Variants in TSPAN33 observed in about 807,000 individuals in gnomAD.
The protein encoded by TSPAN33 is tetraspanin 33.
Under a neutral mutation model 34.8 loss-of-function variants are expected in TSPAN33, and 27 were observed. That is an observed-to-expected ratio of 0.78 (90% CI 0.57 to 1.07). The LOEUF (loss-of-function observed/expected upper bound fraction) is 1.07. TSPAN33 is among the 50% of genes least tolerant of loss of function. TSPAN33 has a pLI of 0.00. For missense variants in TSPAN33, 272 were observed against 324.9 expected (o/e 0.84, Z 1.25); for synonymous variants, 119 against 124.2 (o/e 0.96, Z 0.28).
rs1407896495 is a variant in TSPAN33 at position 129,167,843 on chromosome 7, A to G, written c.821A>G (p.Asn274Ser). The change falls in exon 8 of 8, where the codon AAC becomes AGC. Residue 274 changes from asparagine to serine, a missense_variant. By Grantham distance (46) the Asn-to-Ser change is conservative (BLOSUM62 1). Coordinates refer to ENST00000486685, the MANE Select transcript of TSPAN33 (RefSeq NM_178562.5). The surrounding 1 kb of genome is among the most constrained non-coding windows in gnomAD (Gnocchi z 4.6). ...IKDQIKLQLYNQQHRADPWY is the reference protein window; with the variant it reads ...IKDQIKLQLYSQQHRADPWY ...GATCAGATCAAGCTACAGCTCTACA[A>G]CCAGCAGCACCGGGCTGACCCATGG... The G allele has an allele frequency of 1.2e-6, 2 of 1,614,154 alleles. No homozygotes were observed. The highest frequency in any genetic ancestry group is 1.7e-6 in the Non-Finnish European group (2 of 1,180,020).
rs374904216 is a variant in TSPAN33, at chr7:129,162,416, A to C, written c.183A>C (p.Ala61=). Residue 61 remains alanine (A), a synonymous_variant, in exon 3 of 8, where the codon GCA becomes GCC. Coordinates refer to ENST00000486685, the MANE Select transcript of TSPAN33 (RefSeq NM_178562.5). ...CAGAAGCAGCCCTAGCCTGCCTGGC[A>C]GTGGACCCTGCCATCCTGCTGATCG... is the stretch of plus-strand genomic sequence containing the variant. ...KHAEAALACL[A]VDPAILLIVV... The C allele has an allele frequency of 3.7e-6, 6 of 1,613,748 alleles. No individual in the cohort carries two copies. Among genetic ancestry groups the C allele is most frequent in the Non-Finnish European group, 5.1e-6 (6 of 1,180,026 alleles).
intron 4 of TSPAN33, among the ~76,000 whole-genome samples, chr7:129,163,653 G>A (rs1426651127): frequency 2.0e-5 from 3 of 152,202 alleles, no homozygotes; most frequent in Non-Finnish European, 1.5e-5. Flanking sequence ...GGGCAGGAAG[G>A]AAGAGACTAT....
At position 129,167,244 on chromosome 7, in the gene TSPAN33, G is replaced by C. The variant is rs1173194660; in HGVS notation, c.589-155G>C. On this transcript the variant is annotated intron_variant, in intron 6 of 7. Coordinates refer to ENST00000486685, the MANE Select transcript of TSPAN33 (RefSeq NM_178562.5). The surrounding 1 kb of genome is among the most constrained non-coding windows in gnomAD (Gnocchi z 4.6). The stretch of plus-strand genomic sequence containing the variant: ...TGGATCCTGACCTCTCAGAGGAAGG[G>C]AAGTCTGCATTTGGCAACTTCCAAC... Among the ~76,000 whole-genome samples the C allele has an allele frequency of 6.6e-6, 1 of 152,188 alleles. No individual in the cohort carries two copies. The highest frequency in any genetic ancestry group is 2.4e-5 in the African/African-American group (1 of 41,446).
At chr7:129,152,586 C>T (rs12334217) in intron 1 of TSPAN33, among the ~76,000 whole-genome samples, 6 of 152,070 alleles carry the variant, frequency 3.9e-5, no homozygotes, top group South Asian at 2.1e-4. Flanking sequence ...ACTCAGGAGG[C>T]TGAGGCACAA....
intron 1 of TSPAN33, among the ~76,000 whole-genome samples, chr7:129,159,415 T>G (rs915312706): frequency 2.0e-5 from 3 of 152,242 alleles, no homozygotes; most frequent in African/African-American, 7.2e-5. Context: ...TCCATGCCTT[T>G]GCTATTGTGA....
chr7:129,151,056 C>T (rs1810586906), intron 1 of TSPAN33, among the ~76,000 whole-genome samples: 1 of 152,182 alleles, frequency 6.6e-6, no homozygotes, highest in Admixed American at 6.5e-5. Context: ...TCCTGGGCTT[C>T]CCTAGCTCTG....
Position 129,165,400 on chromosome 7 carries a change from C to T in TSPAN33, c.459+831C>T, listed in dbSNP as rs557975485. On this transcript the variant is annotated intron_variant, in intron 5 of 7. Coordinates refer to ENST00000486685, the MANE Select transcript of TSPAN33 (RefSeq NM_178562.5). This position sits in a 1 kb window ranked among gnomAD's most constrained non-coding sequence, Gnocchi z 4.5. ...TCTAGGTACCTCAAATGAAGGGACT[C>T]ACGGTATTAATGCTTTTTTGAGTGG... Among the ~76,000 whole-genome samples, 3 of 152,334 alleles carry T rather than the reference C, an allele frequency of 2.0e-5. No homozygotes were observed. The highest frequency in any genetic ancestry group is 7.2e-5 in the African/African-American group (3 of 41,576).
In TSPAN33 at chr7:129,167,553, T is replaced by C. The variant is rs761582839; in HGVS notation, c.743T>C (p.Ile248Thr). The C allele has an allele frequency of 2.5e-6, 4 of 1,613,558 alleles. No homozygotes were observed. Among genetic ancestry groups the C allele is most frequent in the African/African-American group, 2.7e-5 (2 of 74,924 alleles). The change falls in exon 7 of 8, where the codon ATC becomes ACC. Residue 248 changes from isoleucine (I) to threonine (T), a missense_variant. By Grantham distance (89) the Ile-to-Thr change is moderately conservative. Coordinates refer to ENST00000486685, the MANE Select transcript of TSPAN33 (RefSeq NM_178562.5). The surrounding 1 kb of genome is among the most constrained non-coding windows in gnomAD (Gnocchi z 4.6). ...GGTGGTGTGGCTCTAGGCCTGGCCA[T>C]CCCCCAGGTAACTTACCCTGTGAGA... ...LLGGVALGLA[I>T]PQLVGILLSQ...
At chr7:129,157,085 C>T (rs1009446775) in intron 1 of TSPAN33, among the ~76,000 whole-genome samples, 1 of 152,184 alleles carries the variant, frequency 6.6e-6, no homozygotes, top group Non-Finnish European at 1.5e-5. Context: ...GAAAGGAGGT[C>T]ATTCATGATA....
intron 1 of TSPAN33, among the ~76,000 whole-genome samples, chr7:129,145,555 C>T (rs550845960): frequency 1.3e-5 from 2 of 151,488 alleles, no homozygotes; most frequent in Non-Finnish European, 2.9e-5. Flanking sequence ...CTCATCTACC[C>T]CCACCTCCAC....
intron 4 of TSPAN33, 145 bp from the exon 5 acceptor site, chr7:129,164,329 G>A (rs1015998120): frequency 7.1e-6 from 5 of 708,034 alleles, no homozygotes; most frequent in Non-Finnish European, 1.2e-5. Context: ...GAACTGAACC[G>A]GCTATCTTCC....
At chr7:129,157,341 C>T (rs1307245525) in intron 1 of TSPAN33, among the ~76,000 whole-genome samples, 1 of 151,644 alleles carries the variant, frequency 6.6e-6, no homozygotes, top group African/African-American at 2.4e-5. Flanking sequence ...TTTGGAATGG[C>T]AGTAGCTTTG....
Position 129,148,513 on chromosome 7 carries a change from G to A in TSPAN33, c.102+3431G>A, listed in dbSNP as rs987607274. On this transcript the variant is annotated intron_variant, in intron 1 of 7. Transcript: ENST00000486685. The surrounding 1 kb of genome is among the most constrained non-coding windows in gnomAD (Gnocchi z 4.2). Reference sequence around the variant, plus strand: ...TGAGTGAGAGAGCAAACCCCACAGGGTAGAGGCTTGATGCCCATCCTCCCT... The same window carrying A: ...TGAGTGAGAGAGCAAACCCCACAGGATAGAGGCTTGATGCCCATCCTCCCT... Among the ~76,000 whole-genome samples the A allele has an allele frequency of 2.6e-5, 4 of 152,174 alleles. No individual in the cohort carries two copies. Among genetic ancestry groups the A allele is most frequent in the Non-Finnish European group, 2.9e-5 (2 of 68,040 alleles).
At chr7:129,145,754 T>G (rs1368283892) in intron 1 of TSPAN33, among the ~76,000 whole-genome samples, 1 of 151,510 alleles carries the variant, frequency 6.6e-6, no homozygotes, top group Non-Finnish European at 1.5e-5. Flanking sequence ...TTCAGAATCT[T>G]CTGCTTGGGG....
rs765345091 is a variant in TSPAN33 at position 129,167,854 on chromosome 7, C to T, written c.832C>T (p.Arg278Trp). 3.7e-6 allele frequency: 6 copies of T among 1,613,908 alleles called. No individual in the cohort carries two copies. Among genetic ancestry groups the T allele is most frequent in the Non-Finnish European group, 4.2e-6 (5 of 1,179,994 alleles). Reference protein sequence around the residue: ...IKLQLYNQQHRADPWY With the variant: ...IKLQLYNQQHWADPWY ...GCTACAGCTCTACAACCAGCAGCAC[C>T]GGGCTGACCCATGGTACTGAGAATC... is the stretch of plus-strand genomic sequence containing the variant. Residue 278 changes from arginine to tryptophan, a missense_variant, in exon 8 of 8, where the codon CGG becomes TGG. Arg to Trp is a moderately radical substitution (Grantham distance 101). Coordinates refer to ENST00000486685, the MANE Select transcript of TSPAN33 (RefSeq NM_178562.5). The surrounding 1 kb of genome is among the most constrained non-coding windows in gnomAD (Gnocchi z 4.6).
intron 1 of TSPAN33, among the ~76,000 whole-genome samples, chr7:129,161,011 C>T (rs1793042006): frequency 6.6e-6 from 1 of 152,210 alleles, no homozygotes; most frequent in Non-Finnish European, 1.5e-5. Context: ...GAAACTGAGG[C>T]TCAGAAATTT....
At chr7:129,163,333 C>CTTTTT (rs57365994) in intron 4 of TSPAN33, among the ~76,000 whole-genome samples, 210 of 124,790 alleles carry the variant, frequency 1.7e-3, no homozygotes, top group Middle Eastern at 9.3e-3. Context: ...TTCTTTCTTT[C>CTTTTT]TTTTTTTTTT....
intron 1 of TSPAN33, among the ~76,000 whole-genome samples, chr7:129,154,194 T>G (rs771857884): frequency 6.6e-5 from 10 of 151,708 alleles, no homozygotes; most frequent in Non-Finnish European, 1.5e-4. Context: ...CAGGTGAGTG[T>G]CATGGCATGT....
At chr7:129,145,364 T>C (rs1397344809) in intron 1 of TSPAN33, among the ~76,000 whole-genome samples, 3 of 151,984 alleles carry the variant, frequency 2.0e-5, no homozygotes, top group Admixed American at 1.3e-4. Flanking sequence ...AGGGAGCCTG[T>C]TGGCCCAAGG....
Sources: gnomAD v4.1 joint callset for allele counts (sites outside exome capture counted in the v4.1 genomes callset) on GRCh38, gnomAD v4.1.1 for gene constraint, Gnocchi (gnomAD v3.1) non-coding constraint, MANE v1.5 for transcripts, NCBI Gene and HGNC (gene_info 2026-07-23, HGNC 2026-07-21) for gene names.